Variants in TBCK observed in about 807,000 individuals in gnomAD.
TBCK encodes the protein TBC1 domain containing kinase.
Under a neutral mutation model 113.4 loss-of-function variants are expected in TBCK, and 99 were observed. The ratio of observed to expected loss-of-function variants is 0.87; its 90% CI spans 0.74 to 1.03. TBCK has a LOEUF of 1.03. TBCK is among the 50% of genes least tolerant of loss of function. The pLI is 0.00. For synonymous variants in TBCK, 369 were observed against 370.8 expected (o/e 1.00, Z 0.05); for missense variants, 1,045 against 1,061.3 (o/e 0.98, Z 0.21).
chr4:106,050,302 C>T (rs530855215), intron 25 of TBCK, among the ~76,000 whole-genome samples: 4 of 151,714 alleles, frequency 2.6e-5, no homozygotes, highest in Admixed American at 1.3e-4. Flanking sequence ...AGAAAAAAAA[C>T]GGTAAGATGC....
intron 23 of TBCK, among the ~76,000 whole-genome samples, chr4:106,154,630 T>G (rs1748915129): frequency 6.6e-6 from 1 of 152,134 alleles, no homozygotes; most frequent in Admixed American, 6.5e-5. Flanking sequence ...CTCCCCCCTC[T>G]CTTATTCCTG....
chr4:106,113,964 A>G (rs1046421041), intron 24 of TBCK, among the ~76,000 whole-genome samples: 1 of 152,192 alleles, frequency 6.6e-6, no homozygotes, highest in South Asian at 2.1e-4. Flanking sequence ...GGGTTCCTCA[A>G]TAACGGCACA....
intron 20 of TBCK, among the ~76,000 whole-genome samples, chr4:106,205,419 T>C (rs1411854479): frequency 6.6e-6 from 1 of 151,644 alleles, no homozygotes; most frequent in African/African-American, 2.4e-5. Flanking sequence ...TTCACTGACA[T>C]GGTTTTAGAC....
intron 22 of TBCK, among the ~76,000 whole-genome samples, chr4:106,173,870 C>T (rs1751316487): frequency 6.7e-6 from 1 of 149,036 alleles, no homozygotes; most frequent in South Asian, 2.1e-4. Context: ...TTTAACCTTG[C>T]ATTATAATTA....
intron 20 of TBCK, among the ~76,000 whole-genome samples, chr4:106,201,322 C>T (rs1754867092): frequency 6.6e-6 from 1 of 151,802 alleles, no homozygotes; most frequent in Non-Finnish European, 1.5e-5. Flanking sequence ...GATATTGGCA[C>T]AGCTTCATAA....
chr4:106,309,554 G>A (rs943347395), intron 1 of TBCK, among the ~76,000 whole-genome samples: 2 of 151,652 alleles, frequency 1.3e-5, no homozygotes, highest in Non-Finnish European at 2.9e-5. Context: ...CACCCGCCTC[G>A]GCCTCTCAAA....
intron 25 of TBCK, among the ~76,000 whole-genome samples, chr4:106,089,945 C>T (rs1382597272): frequency 6.6e-6 from 1 of 152,202 alleles, no homozygotes; most frequent in African/African-American, 2.4e-5. Flanking sequence ...CTTCCAATGG[C>T]TCTACCAGTC....
intron 3 of TBCK, among the ~76,000 whole-genome samples, chr4:106,272,467 T>G (rs1347063550): frequency 6.6e-6 from 1 of 151,320 alleles, no homozygotes; most frequent in Non-Finnish European, 1.5e-5. Context: ...CTTACTCAGC[T>G]CCAAAGTCAT....
At chr4:106,227,434 C>T (rs1364906597) in intron 19 of TBCK, among the ~76,000 whole-genome samples, 2 of 151,556 alleles carry the variant, frequency 1.3e-5, no homozygotes, top group African/African-American at 2.4e-5. Context: ...TTTGAGTTTA[C>T]ATTTTCCTTT....
chr4:106,192,394 A>G (rs887580554), intron 22 of TBCK, among the ~76,000 whole-genome samples: 4 of 151,290 alleles, frequency 2.6e-5, no homozygotes, highest in Non-Finnish European at 5.9e-5. Flanking sequence ...TCTGCATAAT[A>G]TAAACAGTAT....
chr4:106,081,894 C>G (rs1332240115), intron 25 of TBCK, among the ~76,000 whole-genome samples: 1 of 152,116 alleles, frequency 6.6e-6, no homozygotes, highest in Admixed American at 6.5e-5. Flanking sequence ...AAATCAAAAC[C>G]ACAATGAGAT....
chr4:106,188,976 C>T (rs898335756), intron 22 of TBCK, among the ~76,000 whole-genome samples: 3 of 152,030 alleles, frequency 2.0e-5, no homozygotes, highest in African/African-American at 7.2e-5. Context: ...TCCCCTTTTC[C>T]ATAAAATAAT....
At chr4:106,230,616 T>C (rs773621029) in intron 18 of TBCK, among the ~76,000 whole-genome samples, 170 bp from the exon 19 acceptor site, 1 of 151,868 alleles carries the variant, frequency 6.6e-6, no homozygotes, top group African/African-American at 2.4e-5. Flanking sequence ...TGCTTTAAAA[T>C]AGAAAATATT....
intron 19 of TBCK, among the ~76,000 whole-genome samples, chr4:106,216,069 A>G (rs928528095): frequency 5.2e-4 from 79 of 152,094 alleles, no homozygotes; most frequent in Non-Finnish European, 8.1e-4. Context: ...ATCTCACTCA[A>G]AACCACTCAA....
chr4:106,135,896 G>T (rs995743546), intron 23 of TBCK, among the ~76,000 whole-genome samples: 1 of 141,426 alleles, frequency 7.1e-6, no homozygotes, highest in Non-Finnish European at 1.6e-5. Context: ...ATCTCTGAAA[G>T]ACAGAGAAGT....
rs897192438 is a variant in TBCK at position 106,293,949 on chromosome 4, TGAA to T, written c.266+1142_266+1144del. The stretch of plus-strand genomic sequence containing the variant: ...TTTTAAGGTCACTTCGGGAAATCTG[TGAA>T]GAAGTTCATTTAATAGTATATTTCT... On this transcript the variant is annotated intron_variant, in intron 3 of 25. Transcript: ENST00000394708. Among the ~76,000 whole-genome samples, 33 of 152,342 alleles carry T rather than the reference TGAA, an allele frequency of 2.2e-4. No homozygotes were observed. In the South Asian group the frequency reaches 3.7e-3, roughly 17 times the overall value.
rs1765418969 is a variant in TBCK, at chr4:106,289,174, T to A, written c.266+5920A>T. ...GTTTCTGGGAATATTCTAGTGCAAA[T>A]CTTTTTGCATAGGTGGACATGTATT... On this transcript the variant is annotated intron_variant, in intron 3 of 25. Transcript: ENST00000394708. 2.0e-5 allele frequency among the ~76,000 whole-genome samples: 3 copies of A among 152,336 alleles called. No homozygotes were observed. The South Asian group carries it at 6.2e-4, about 32-fold the overall frequency.
chr4:106,238,831 T>A (rs1429366827), intron 12 of TBCK: 3 of 152,124 alleles, frequency 2.0e-5, no homozygotes, highest in Non-Finnish European at 4.4e-5. Context: ...ACAGAGCCAC[T>A]GCTGGAGTCT....
At chr4:106,260,094 G>C (rs1423137164) in intron 5 of TBCK, among the ~76,000 whole-genome samples, 1 of 151,836 alleles carries the variant, frequency 6.6e-6, no homozygotes, top group Non-Finnish European at 1.5e-5. Flanking sequence ...TCAGTCTCTT[G>C]ATGCACACAC....
Sources: gnomAD v4.1 joint callset for allele counts (sites outside exome capture counted in the v4.1 genomes callset) on GRCh38, gnomAD v4.1.1 for gene constraint, MANE v1.5 for transcripts, NCBI Gene and HGNC (gene_info 2026-07-23, HGNC 2026-07-21) for gene names.